Variants in TRPM3 observed in about 807,000 individuals in gnomAD.
TRPM3 encodes transient receptor potential cation channel subfamily M member 3.
Under a neutral mutation model 181.2 loss-of-function variants are expected in TRPM3, and 77 were observed. The observed-to-expected ratio is 0.42, with a 90% CI of 0.35 to 0.51. The LOEUF (loss-of-function observed/expected upper bound fraction) is 0.51, where lower values mean the gene tolerates loss of function less well. Among genes scored for constraint, TRPM3 ranks in the 20% least tolerant of loss-of-function variants. The probability of loss-of-function intolerance (pLI) is 0.01; values close to 1 mark genes in which losing one functional copy is unlikely to be tolerated. For synonymous variants in TRPM3, 745 were observed against 796.4 expected, an observed-to-expected ratio of 0.94 and a Z score of 1.09; for missense variants, 1,759 against 2,196.7, an observed-to-expected ratio of 0.80 and a Z score of 3.98.
At chr9:70,664,252 A>G (rs1007615172) in intron 9 of TRPM3, among the ~76,000 whole-genome samples, 1 of 152,182 alleles carries the variant, frequency 6.6e-6, no homozygotes, top group South Asian at 2.1e-4. Flanking sequence ...GCTCTCTACT[A>G]AATCCCTAAT....
At chr9:71,105,715 G>A (rs1294911951) in intron 1 of TRPM3, among the ~76,000 whole-genome samples, 1 of 152,154 alleles carries the variant, frequency 6.6e-6, no homozygotes, top group Admixed American at 6.6e-5. Flanking sequence ...CTAAGAACTG[G>A]CTAGCCCTAG....
At chr9:71,032,165 T>TATATTATATATACTATATATTATATA (rs1290807059) in intron 1 of TRPM3, among the ~76,000 whole-genome samples, 1 of 105,934 alleles carries the variant, frequency 9.4e-6, no homozygotes, top group African/African-American at 3.2e-5. Flanking sequence ...TATTATATAA[T>TATATTATATATACTATATATTATATA]ATATTATATA....
At chr9:70,961,088 C>T (rs1193492779) in intron 1 of TRPM3, among the ~76,000 whole-genome samples, 5 of 152,068 alleles carry the variant, frequency 3.3e-5, no homozygotes, top group Admixed American at 3.3e-4. Context: ...GGAGAAGATC[C>T]TGGTGGGCCC....
intron 9 of TRPM3, among the ~76,000 whole-genome samples, chr9:70,647,213 CA>C (rs2059001969): frequency 2.0e-5 from 3 of 151,954 alleles, no homozygotes; most frequent in Admixed American, 2.0e-4. Flanking sequence ...CATTCATAAC[CA>C]AACCTGGCAG....
chr9:70,857,211 G>C (rs141875578), intron 3 of TRPM3, among the ~76,000 whole-genome samples: 1 of 152,042 alleles, frequency 6.6e-6, no homozygotes, highest in African/African-American at 2.4e-5. Context: ...ATAGCTTACC[G>C]GGGCTTGCAA....
At position 70,534,578 on chromosome 9, in the gene TRPM3, A is replaced by C. The variant is rs980207919; in HGVS notation, c.*1375T>G. 1.3e-5 allele frequency: 2 copies of C among 152,112 alleles called. No individual in the cohort carries two copies. Among genetic ancestry groups the C allele is most frequent in the Non-Finnish European group, 2.9e-5 (2 of 68,008 alleles). The allele number at this position is 152,112 out of a possible 1,614,324, so 9.4% of individuals were successfully genotyped here. On this transcript the variant is annotated 3_prime_UTR_variant, in exon 26 of 26. Transcript: ENST00000677713. ...TACTATAGAACTCTTTATATGGTTT[A>C]TTTGCTTTCTATTTTGGTCTACTGT...
chr9:71,251,113 T>A (rs2082318642), intron 1 of TRPM3, among the ~76,000 whole-genome samples: 1 of 152,180 alleles, frequency 6.6e-6, no homozygotes, highest in Non-Finnish European at 1.5e-5. Context: ...TTATTGTTTT[T>A]CTAAGAGAAA....
chr9:71,354,219 C>T (rs1334637631), intron 1 of TRPM3, among the ~76,000 whole-genome samples: 1 of 152,218 alleles, frequency 6.6e-6, no homozygotes, highest in Non-Finnish European at 1.5e-5. Flanking sequence ...GGGAGGTACA[C>T]AAGCAAGTTG....
intron 1 of TRPM3, among the ~76,000 whole-genome samples, chr9:71,391,323 A>G (rs1023444069): frequency 1.3e-5 from 2 of 152,066 alleles, no homozygotes; most frequent in African/African-American, 4.8e-5. Flanking sequence ...GACCAGAATT[A>G]AAGTTCAAGT....
At chr9:71,085,169 C>T (rs1199707711) in intron 1 of TRPM3, among the ~76,000 whole-genome samples, 1 of 151,818 alleles carries the variant, frequency 6.6e-6, no homozygotes, top group African/African-American at 2.4e-5. Context: ...CCTCAAACTA[C>T]AAGAATACTA....
chr9:71,178,486 C>G (rs760265079), intron 1 of TRPM3, among the ~76,000 whole-genome samples: 10 of 151,966 alleles, frequency 6.6e-5, no homozygotes, highest in Non-Finnish European at 1.5e-4. Context: ...TAATAAGATT[C>G]CTGTCAGGAT....
intron 1 of TRPM3, among the ~76,000 whole-genome samples, chr9:71,259,854 T>C (rs1414481745): frequency 1.3e-5 from 2 of 152,192 alleles, no homozygotes; most frequent in East Asian, 3.9e-4. Flanking sequence ...ACTCTGATGA[T>C]AGTCTCTTCT....
chr9:70,613,894 A>G (rs1022311635), intron 18 of TRPM3, among the ~76,000 whole-genome samples: 2 of 152,148 alleles, frequency 1.3e-5, no homozygotes, highest in Admixed American at 6.5e-5. Context: ...TTGAGACCCA[A>G]CCAGAGAGAA....
intron 9 of TRPM3, among the ~76,000 whole-genome samples, chr9:70,645,052 TAA>T (rs2058627871): frequency 6.6e-6 from 1 of 152,046 alleles, no homozygotes; most frequent in African/African-American, 2.4e-5. Flanking sequence ...CTCAAGGAAA[TAA>T]GAGAGGACAC....
chr9:70,551,044 T>C lies in TRPM3; in HGVS notation c.3575-1370A>G, dbSNP rs555533568. Reference sequence around the variant, plus strand: ...GCTATATTTGAGACTCAAAGGAGTATATTTAACACTTATTCTGCTGGCACT... The same window carrying C: ...GCTATATTTGAGACTCAAAGGAGTACATTTAACACTTATTCTGCTGGCACT... On this transcript the variant is annotated intron_variant, in intron 24 of 25. Transcript: ENST00000677713. 4.6e-5 allele frequency among the ~76,000 whole-genome samples: 7 copies of C among 152,336 alleles called. No individual in the cohort carries two copies. In the South Asian group the frequency reaches 8.3e-4, roughly 18 times the overall value.
At chr9:71,059,432 G>A (rs559658729) in intron 1 of TRPM3, among the ~76,000 whole-genome samples, 89 of 152,090 alleles carry the variant, frequency 5.9e-4, no homozygotes, top group African/African-American at 2.0e-3. Flanking sequence ...GTTGGACCCC[G>A]ATCAGAGCAA....
intron 1 of TRPM3, among the ~76,000 whole-genome samples, chr9:71,345,611 G>C (rs562643565): frequency 7.2e-5 from 11 of 152,056 alleles, no homozygotes; most frequent in African/African-American, 2.7e-4. Flanking sequence ...CAAGGGGAAG[G>C]AGAGCATTAG....
chr9:71,383,640 G>T (rs1466438583), intron 1 of TRPM3, among the ~76,000 whole-genome samples: 1 of 152,144 alleles, frequency 6.6e-6, no homozygotes, highest in East Asian at 1.9e-4. Context: ...ACTGCTTCCA[G>T]CTGGCACTAC....
intron 1 of TRPM3, among the ~76,000 whole-genome samples, chr9:71,018,518 G>T (rs1003047555): frequency 2.6e-5 from 4 of 151,728 alleles, no homozygotes; most frequent in Non-Finnish European, 4.4e-5. Context: ...ATTAAAAATA[G>T]ATTTTATAAT....
Sources: allele counts gnomAD v4.1 joint callset (sites outside exome capture counted in the v4.1 genomes callset), GRCh38; gene constraint gnomAD v4.1.1; transcripts MANE v1.5; gene names NCBI Gene and HGNC (gene_info 2026-07-23, HGNC 2026-07-21).